RSPH14: variants seen among roughly 807,000 people sequenced by gnomAD.
RSPH14 encodes the protein rhabdoid tumor deletion region gene 1.
In RSPH14, 20 loss-of-function variants were observed where a neutral mutation model predicts 26.7. That is an observed-to-expected ratio of 0.75 (90% CI 0.53 to 1.09). The LOEUF (loss-of-function observed/expected upper bound fraction) is 1.09. Among genes scored for constraint, RSPH14 ranks in the 50% least tolerant of loss-of-function variants. The probability of loss-of-function intolerance (pLI) is 0.00; values close to 1 mark genes in which losing one functional copy is unlikely to be tolerated. For synonymous variants in RSPH14, 177 were observed against 189.3 expected (o/e 0.93, Z 0.53); for missense variants, 449 against 457.2 (o/e 0.98, Z 0.16).
chr22:23,130,145 AAGAAAGAAAG>A (rs1403747207), intron 4 of RSPH14, among the ~76,000 whole-genome samples: 20 of 121,902 alleles, frequency 1.6e-4, no homozygotes, highest in African/African-American at 3.4e-4. Context: ...GAAAGAAAGA[AAGAAAGAAAG>A]AAAGAAAAAG....
At chr22:23,159,321 G>A in the RSPH14 span, 1 of 1,408,468 alleles carries the variant, frequency 7.1e-7, no homozygotes, top group Non-Finnish European at 9.7e-7. Context: ...TGTGGGGCCT[G>A]CCATGCAGTG....
intron 4 of RSPH14, among the ~76,000 whole-genome samples, chr22:23,084,708 C>A (rs141710922): frequency 8.5e-4 from 130 of 152,332 alleles, no homozygotes; most frequent in African/African-American, 3.0e-3. Flanking sequence ...TGCAGCCCCG[C>A]CCTTCACTAC....
intron 4 of RSPH14, among the ~76,000 whole-genome samples, chr22:23,093,504 A>G (rs1252863513): frequency 6.6e-6 from 1 of 152,202 alleles, no homozygotes; most frequent in Non-Finnish European, 1.5e-5. Flanking sequence ...CATGTAGGTC[A>G]CACATTAGCT....
chr22:23,135,702 G>A (rs954211499), intron 3 of RSPH14, among the ~76,000 whole-genome samples: 3 of 152,076 alleles, frequency 2.0e-5, no homozygotes, highest in Admixed American at 2.0e-4. Flanking sequence ...CAAAAAGCCT[G>A]GGTCCCACAT....
chr22:23,180,386 T>TG, the RSPH14 span: 1 of 153,372 alleles, frequency 6.5e-6, no homozygotes, highest in Non-Finnish European at 1.4e-5. Context: ...GGCGGCTCGA[T>TG]GGGGGAGCCG....
chr22:23,095,568 C>A, intron 4 of RSPH14: 1 of 1,033,860 alleles, frequency 9.7e-7, no homozygotes, highest in Non-Finnish European at 1.4e-6. Context: ...CTCGGCCTCA[C>A]CCCCCTGCTG....
chr22:23,135,290 A>G (rs371154684), intron 3 of RSPH14, among the ~76,000 whole-genome samples: 22 of 147,662 alleles, frequency 1.5e-4, no homozygotes, highest in East Asian at 4.0e-4. Flanking sequence ...TGGCTAACAC[A>G]GTGAAACCCC....
chr22:23,171,783 G>A, the RSPH14 span, among the ~76,000 whole-genome samples: 3 of 147,902 alleles, frequency 2.0e-5, no homozygotes, highest in African/African-American at 5.0e-5. Flanking sequence ...TAGAGATTGC[G>A]GTGAGCTGAG....
At chr22:23,134,548 CAAAAAAAAAAAAAAA>C (rs59412175) in intron 3 of RSPH14, among the ~76,000 whole-genome samples, 2 of 86,148 alleles carry the variant, frequency 2.3e-5, no homozygotes, top group Admixed American at 1.3e-4. Context: ...AACTCCCAAC[CAAAAAAAAAAAAAAA>C]AAAAAAAAAG....
Position 23,140,460 on chromosome 22 carries a change from C to A in RSPH14, c.-40G>T. On this transcript the variant is annotated 5_prime_UTR_variant, in exon 2 of 7. Transcript: ENST00000216036. Reference sequence around the variant, plus strand: ...AGAGGCCTTTCCAAATGAAGCTCTGCAGAAACCACTCACTAAAAGAGACCA... The same window carrying A: ...AGAGGCCTTTCCAAATGAAGCTCTGAAGAAACCACTCACTAAAAGAGACCA... 6.2e-7 allele frequency: 1 copy of A among 1,606,960 alleles called. No homozygotes were observed. The highest frequency in any genetic ancestry group is 8.5e-7 in the Non-Finnish European group (1 of 1,176,348).
intron 4 of RSPH14, chr22:23,095,920 C>T: frequency 6.2e-7 from 1 of 1,613,592 alleles, no homozygotes; most frequent in Non-Finnish European, 8.5e-7. Flanking sequence ...TCATCATCTA[C>T]AATGCCATCG....
At position 23,059,531 on chromosome 22, in the gene RSPH14, C is replaced by T. The variant is rs1170494957; in HGVS notation, c.978G>A (p.Lys326=). ...FRAMEVETYE[K]PQVAEALQRA... is the part of the protein sequence containing the mutation. ...GCTGTAAGGCTTCGGCCACTTGAGG[C>T]TTTTCGTAAGTCTCCACCTCCATGG... The change falls in exon 7 of 7, where the codon AAG becomes AAA. Residue 326 remains lysine, a synonymous_variant. Transcript: ENST00000216036. The T allele has an allele frequency of 1.2e-6, 2 of 1,614,068 alleles. No individual in the cohort carries two copies. The highest frequency in any genetic ancestry group is 2.7e-5 in the African/African-American group (2 of 74,944).
intron 4 of RSPH14, among the ~76,000 whole-genome samples, chr22:23,110,421 C>T (rs891406221): frequency 2.0e-5 from 3 of 152,210 alleles, no homozygotes; most frequent in Admixed American, 2.0e-4. Context: ...AGGAGGCCCA[C>T]CCCACCCATG....
chr22:23,080,080 G>A lies in RSPH14; in HGVS notation c.422-15947C>T, dbSNP rs368904728. Among the ~76,000 whole-genome samples the A allele has an allele frequency of 6.6e-5, 10 of 152,324 alleles. No homozygotes were observed. The South Asian group carries it at 8.3e-4, about 13-fold the overall frequency. ...TGGGGCTACGGCTCTCTCCAAGGCA[G>A]CAACCTCTTTGATTTGGCTCTTAAT... On this transcript the variant is annotated intron_variant, in intron 4 of 6. Coordinates refer to ENST00000216036, the MANE Select transcript of RSPH14 (RefSeq NM_014433.3).
the RSPH14 span, among the ~76,000 whole-genome samples, chr22:23,178,526 C>T: frequency 6.6e-6 from 1 of 152,208 alleles, no homozygotes; most frequent in Non-Finnish European, 1.5e-5. Context: ...AGTTTCCTCA[C>T]ATGCAAAATG....
chr22:23,082,074 G>A (rs1465292687), intron 4 of RSPH14, among the ~76,000 whole-genome samples: 1 of 148,334 alleles, frequency 6.7e-6, no homozygotes. Flanking sequence ...GCAGTGAGCC[G>A]AGATCGTGCC....
At chr22:23,096,506 G>A (rs2069128096) in intron 4 of RSPH14, 2 of 1,380,774 alleles carry the variant, frequency 1.4e-6, no homozygotes, top group Admixed American at 2.1e-5. Flanking sequence ...AGGACAGTCT[G>A]CAGCCAGAAA....
chr22:23,069,412 TTGA>T (rs2068284967), intron 4 of RSPH14, among the ~76,000 whole-genome samples: 1 of 152,228 alleles, frequency 6.6e-6, no homozygotes, highest in South Asian at 2.1e-4. Flanking sequence ...GCCCTCTGGC[TTGA>T]GAGTCTTTTA....
chr22:23,097,515 G>A (rs1040000214), intron 4 of RSPH14, among the ~76,000 whole-genome samples: 2 of 152,236 alleles, frequency 1.3e-5, no homozygotes, highest in African/African-American at 2.4e-5. Flanking sequence ...CGCATCAGGG[G>A]TCTCCCTGGA....
Sources: allele counts gnomAD v4.1 joint callset (sites outside exome capture counted in the v4.1 genomes callset), GRCh38; gene constraint gnomAD v4.1.1; transcripts MANE v1.5; gene names NCBI Gene and HGNC (gene_info 2026-07-23, HGNC 2026-07-21).